Variants in KIAA1671 observed in about 807,000 individuals in gnomAD.
KIAA1671 encodes the protein uncharacterized protein KIAA1671.
In KIAA1671, 52 loss-of-function variants were observed where a neutral mutation model predicts 131.2. The observed-to-expected ratio is 0.40, with a 90% CI of 0.32 to 0.50. KIAA1671 has a LOEUF of 0.50. Ranked by LOEUF, KIAA1671 falls within the 20% of genes least tolerant of loss-of-function variation. The probability of loss-of-function intolerance (pLI) is 0.73; values close to 1 mark genes in which losing one functional copy is unlikely to be tolerated. For missense variants in KIAA1671, 2,360 were observed against 2,364.2 expected (o/e 1.00, Z 0.04); for synonymous variants, 1,003 against 961.6 (o/e 1.04, Z -0.80).
intron 12 of KIAA1671, among the ~76,000 whole-genome samples, chr22:25,191,230 A>G (rs868609537): frequency 6.2e-5 from 9 of 146,276 alleles, no homozygotes; most frequent in Middle Eastern, 7.1e-3. Context: ...ATCTTGGCTC[A>G]TTGCGGCCTC....
chr22:25,156,011 G>GTTTT (rs1933225747), intron 6 of KIAA1671, among the ~76,000 whole-genome samples: 4 of 71,820 alleles, frequency 5.6e-5, no homozygotes, highest in East Asian at 4.0e-4. Flanking sequence ...GTGTGTATGT[G>GTTTT]CTTTTTTTTT....
chr22:25,093,828 CTCTCTGTCTG>C lies in KIAA1671; in HGVS notation c.4530+44470_4530+44479del, dbSNP rs1568951551. Among the ~76,000 whole-genome samples, 94 of 88,440 alleles carry C rather than the reference CTCTCTGTCTG, an allele frequency of 1.1e-3. 13 individuals are homozygous for C. The highest frequency in any genetic ancestry group is 1.5e-3 in the Admixed American group (13 of 8,716). The allele number at this position is 88,440 out of a possible 152,430, so 58.0% of individuals were successfully genotyped here. ...TCTCTCTCTGTCTCTCTCTCTTTCT[CTCTCTGTCTG>C]TCTCTCTCTCTCTCTCTCTCTCTCT... On this transcript the variant is annotated intron_variant, in intron 6 of 12. Coordinates refer to ENST00000358431, the MANE Select transcript of KIAA1671 (RefSeq NM_001145206.2).
At chr22:25,097,583 A>T (rs1930448668) in intron 6 of KIAA1671, among the ~76,000 whole-genome samples, 2 of 152,132 alleles carry the variant, frequency 1.3e-5, no homozygotes, top group South Asian at 4.1e-4. Context: ...TACTAAAAAT[A>T]CAAAAAATTA....
chr22:24,999,718 A>AGTTTTT (rs1569202325), intron 1 of KIAA1671, among the ~76,000 whole-genome samples: 4 of 147,986 alleles, frequency 2.7e-5, no homozygotes, highest in Admixed American at 2.0e-4. Context: ...ATGCACCACT[A>AGTTTTT]TGCCTGGCTA....
chr22:25,190,853 G>A (rs554073280), intron 12 of KIAA1671, 69 bp downstream of exon 12: 2 of 1,100,890 alleles, frequency 1.8e-6, no homozygotes, highest in East Asian at 2.6e-5. Context: ...ACTCAGGGGG[G>A]CCACGCTTCA....
At chr22:25,093,734 CACA>C (rs1568950972) in intron 6 of KIAA1671, among the ~76,000 whole-genome samples, 6 of 112,100 alleles carry the variant, frequency 5.4e-5, no homozygotes, top group East Asian at 2.5e-4. Flanking sequence ...CACACACACA[CACA>C]CTCTCTCTCT....
In KIAA1671 at chr22:25,174,249, T is replaced by C; in HGVS notation, c.4659T>C (p.Thr1553=). Residue 1553 remains threonine (T), a synonymous_variant, in exon 8 of 13, where the codon ACT becomes ACC. Coordinates refer to ENST00000358431, the MANE Select transcript of KIAA1671 (RefSeq NM_001145206.2). ...EQCQSGESLA[T]ESPDSSATST... is the part of the protein sequence containing the mutation. ...TTCCCTTTTTTGGCAGCTTGGCCACTGAGTCCCCAGATAGCAGTGCCACAT... is the reference window on the plus strand; with the variant it reads ...TTCCCTTTTTTGGCAGCTTGGCCACCGAGTCCCCAGATAGCAGTGCCACAT... The C allele has an allele frequency of 1.3e-6, 2 of 1,551,618 alleles. No individual in the cohort carries two copies. Among genetic ancestry groups the C allele is most frequent in the Non-Finnish European group, 1.7e-6 (2 of 1,146,950 alleles).
intron 1 of KIAA1671, among the ~76,000 whole-genome samples, chr22:24,959,014 A>G (rs531743850): frequency 6.6e-6 from 1 of 151,110 alleles, no homozygotes; most frequent in African/African-American, 2.4e-5. Context: ...GAAAAGAAAA[A>G]AAATTAGCCT....
chr22:25,010,721 A>C (rs1924989714), intron 1 of KIAA1671: 1 of 152,208 alleles, frequency 6.6e-6, no homozygotes, highest in Admixed American at 6.5e-5. Flanking sequence ...GTGTTCATTA[A>C]GAATATTTTT....
intron 6 of KIAA1671, chr22:25,054,630 CCTGTG>C (rs1370297076): frequency 6.7e-6 from 1 of 149,828 alleles, no homozygotes; most frequent in East Asian, 2.0e-4. Flanking sequence ...CAGGAACCTC[CCTGTG>C]TTCAGGTATC....
chr22:25,065,935 G>A (rs1928452961), intron 6 of KIAA1671, among the ~76,000 whole-genome samples: 2 of 152,140 alleles, frequency 1.3e-5, no homozygotes. Flanking sequence ...CACTGCGCCT[G>A]ATCGAGACTG....
chr22:25,121,214 GC>G, intron 6 of KIAA1671, among the ~76,000 whole-genome samples: 1 of 152,292 alleles, frequency 6.6e-6, no homozygotes, highest in Non-Finnish European at 1.5e-5. Flanking sequence ...TGTAGTCCCA[GC>G]ACTTTGGGAG....
chr22:25,112,949 G>T (rs2145916330), intron 6 of KIAA1671, among the ~76,000 whole-genome samples: 1 of 152,234 alleles, frequency 6.6e-6, no homozygotes, highest in South Asian at 2.1e-4. Flanking sequence ...CCGAGGTGTG[G>T]TGGGCGAGTT....
At chr22:25,149,745 C>T (rs1329608598) in intron 6 of KIAA1671, among the ~76,000 whole-genome samples, 2 of 152,206 alleles carry the variant, frequency 1.3e-5, no homozygotes, top group Non-Finnish European at 2.9e-5. Flanking sequence ...CTCTCCAGCC[C>T]ATCCTACGTA....
At chr22:25,004,117 A>ATT (rs112970400) in intron 1 of KIAA1671, among the ~76,000 whole-genome samples, 1 of 141,140 alleles carries the variant, frequency 7.1e-6, no homozygotes. Context: ...GTGCCCGGCC[A>ATT]TTTTTTTTTT....
Position 25,029,539 on chromosome 22 carries a change from T to C in KIAA1671, c.1540T>C (p.Leu514=). ...GCCGCTGTCGGCGGATTTGACCAAATTGTAAGTAGGCACATCCCACACCCC... is the reference window on the plus strand; with the variant it reads ...GCCGCTGTCGGCGGATTTGACCAAACTGTAAGTAGGCACATCCCACACCCC... The part of the protein sequence containing the change: ...ARPLSADLTK[L]FSSSASSNEV... The change falls in exon 3 of 13, where the codon TTG becomes CTG. Residue 514 remains leucine, a splice_region_variant and synonymous_variant. Coordinates refer to ENST00000358431, the MANE Select transcript of KIAA1671 (RefSeq NM_001145206.2). 6.5e-7 allele frequency: 1 copy of C among 1,532,400 alleles called. No homozygotes were observed. The highest frequency in any genetic ancestry group is 8.8e-7 in the Non-Finnish European group (1 of 1,137,768). 94.9% of individuals were successfully genotyped at this position (1,532,400 alleles called of 1,614,324 possible). A position where few individuals can be genotyped will look rare whatever the true frequency, so the allele number is the denominator to read the frequency against.
At chr22:25,141,994 A>C (rs1220133373) in intron 6 of KIAA1671, among the ~76,000 whole-genome samples, 1 of 152,206 alleles carries the variant, frequency 6.6e-6, no homozygotes, top group Non-Finnish European at 1.5e-5. Context: ...TTACAGGGAA[A>C]ATGAGGAGAG....
intron 6 of KIAA1671, among the ~76,000 whole-genome samples, chr22:25,138,558 C>G (rs1033959109): frequency 1.2e-4 from 18 of 152,288 alleles, no homozygotes; most frequent in Admixed American, 7.2e-4. Flanking sequence ...ATTAACTCTG[C>G]TCTTGTTGCT....
At chr22:25,156,841 G>C (rs73882016) in intron 6 of KIAA1671, among the ~76,000 whole-genome samples, 4,295 of 152,224 alleles carry the variant, frequency 0.028, 182 homozygotes, top group African/African-American at 0.099. Context: ...TTCTGGCAGG[G>C]AGAGAGAGAC....
Sources: gnomAD v4.1 joint callset for allele counts (sites outside exome capture counted in the v4.1 genomes callset) on GRCh38, gnomAD v4.1.1 for gene constraint, MANE v1.5 for transcripts, NCBI Gene and HGNC (gene_info 2026-07-23, HGNC 2026-07-21) for gene names.